The following ATXN1 variants were observed in gnomAD, a reference collection of about 807,000 sequenced individuals.
ATXN1 encodes ataxin-1.
ATXN1 carries 8 observed loss-of-function variants against 56.4 expected under a neutral mutation model. That is an observed-to-expected ratio of 0.14 (90% confidence interval 0.08 to 0.26). The LOEUF (loss-of-function observed/expected upper bound fraction) is 0.26, where lower values mean the gene tolerates loss of function less well. Ranked by LOEUF, ATXN1 falls within the 10% of genes least tolerant of loss-of-function variation. ATXN1 has a pLI of 1.00. For missense variants in ATXN1, 987 were observed against 1,106.5 expected, an observed-to-expected ratio of 0.89 and a Z score of 1.53; for synonymous variants, 514 against 494.6, an observed-to-expected ratio of 1.04 and a Z score of -0.52.
chr6:16,472,802 C>T (rs553387704), intron 6 of ATXN1, among the ~76,000 whole-genome samples: 7 of 152,280 alleles, frequency 4.6e-5, no homozygotes, highest in African/African-American at 1.2e-4. Context: ...AGACATGGCA[C>T]GCAGAGGGTC....
chr6:16,525,393 C>G (rs1334147226), intron 4 of ATXN1, among the ~76,000 whole-genome samples: 1 of 152,100 alleles, frequency 6.6e-6, no homozygotes, highest in Non-Finnish European at 1.5e-5. Context: ...AACGAGAGAT[C>G]ATTATGTTAA....
intron 3 of ATXN1, among the ~76,000 whole-genome samples, chr6:16,618,590 G>A (rs1763262207): frequency 6.6e-6 from 1 of 152,110 alleles, no homozygotes; most frequent in African/African-American, 2.4e-5. Flanking sequence ...AAATTAGCTG[G>A]ACGTGGTGGT....
At chr6:16,417,750 T>C (rs1054050335) in intron 6 of ATXN1, among the ~76,000 whole-genome samples, 1 of 152,142 alleles carries the variant, frequency 6.6e-6, no homozygotes, top group African/African-American at 2.4e-5. Flanking sequence ...AACTTTTTTT[T>C]TAATGGCCTA....
chr6:16,498,697 C>A (rs1760823154), intron 5 of ATXN1, among the ~76,000 whole-genome samples: 2 of 152,126 alleles, frequency 1.3e-5, no homozygotes, highest in African/African-American at 4.8e-5. Flanking sequence ...TAATGGGTGA[C>A]CATAATAAAG....
At position 16,326,397 on chromosome 6, in the gene ATXN1, G is replaced by C; in HGVS notation, c.1914C>G (p.Ala638=). Residue 638 remains alanine, a synonymous_variant, in exon 7 of 8, where the codon GCC becomes GCG. Transcript: ENST00000436367. The surrounding 1 kb of genome is among the most constrained non-coding windows in gnomAD (Gnocchi z 6.6). ...GTGCCACCCTGGCTAACGTTACCTG[G>C]GCTCGGTGCTCCCCGACGGCGAACT... ...VIQFAVGEHR[A]QVSVEVLVEY... is the part of the protein sequence containing the mutation. The C allele has an allele frequency of 6.2e-7, 1 of 1,613,008 alleles. No individual in the cohort carries two copies. Among genetic ancestry groups the C allele is most frequent in the African/African-American group, 1.3e-5 (1 of 75,006 alleles).
chr6:16,731,446 TTTC>T (rs1759976060), intron 2 of ATXN1, among the ~76,000 whole-genome samples: 1 of 134,636 alleles, frequency 7.4e-6, no homozygotes, highest in African/African-American at 3.0e-5. Flanking sequence ...AGGCTTTTTT[TTTC>T]TTTTCTTTTT....
rs72825585 is a variant in ATXN1 at position 16,661,373 on chromosome 6, C to T, written c.-614-3472G>A. Among the ~76,000 whole-genome samples, 16 of 151,762 alleles carry T rather than the reference C, an allele frequency of 1.1e-4. 1 individual carries two copies. Among genetic ancestry groups the T allele is most frequent in the African/African-American group, 2.7e-4 (11 of 41,314 alleles). On this transcript the variant is annotated intron_variant, in intron 2 of 7. Transcript: ENST00000436367. Reference sequence around the variant, plus strand: ...GCCTTGTAGGCCATTGTAAAGATACCGACTTTTAAGTAAAATGGGAAGACC... The same window carrying T: ...GCCTTGTAGGCCATTGTAAAGATACTGACTTTTAAGTAAAATGGGAAGACC...
Position 16,468,334 on chromosome 6 carries a change from T to C in ATXN1, c.-161+17638A>G, listed in dbSNP as rs528760435. On this transcript the variant is annotated intron_variant, in intron 6 of 7. Coordinates refer to ENST00000436367, the MANE Select transcript of ATXN1 (RefSeq NM_001128164.2). Reference sequence around the variant, plus strand: ...CTGAGTAGCTGGGACTACAGGCGCATGCCACCACGCGTGGCTAATTTGGTT... The same window carrying C: ...CTGAGTAGCTGGGACTACAGGCGCACGCCACCACGCGTGGCTAATTTGGTT... Among the ~76,000 whole-genome samples the C allele has an allele frequency of 8.5e-5, 13 of 152,264 alleles. No individual in the cohort carries two copies. In the East Asian group the frequency reaches 1.7e-3, roughly 20 times the overall value.
chr6:16,751,239 G>T (rs1014243585), intron 2 of ATXN1, among the ~76,000 whole-genome samples: 5 of 152,080 alleles, frequency 3.3e-5, no homozygotes, highest in African/African-American at 1.2e-4. Context: ...AAAGTGCTGG[G>T]ATTAAAGGCA....
At chr6:16,615,078 T>C (rs568066813) in intron 3 of ATXN1, 5 of 150,054 alleles carry the variant, frequency 3.3e-5, no homozygotes, top group African/African-American at 1.2e-4. Context: ...GCTTTCATAA[T>C]ATAACAACCA....
intron 6 of ATXN1, among the ~76,000 whole-genome samples, chr6:16,392,153 A>G (rs1036986712): frequency 1.7e-4 from 26 of 152,142 alleles, no homozygotes; most frequent in African/African-American, 6.3e-4. Context: ...GGCACTAGCC[A>G]GTGATCACTC....
At chr6:16,761,226 A>G in intron 1 of ATXN1, 72 bp downstream of exon 1, 1 of 395,854 alleles carries the variant, frequency 2.5e-6, no homozygotes, top group Non-Finnish European at 5.1e-6. Context: ...AGGGATTTTA[A>G]TCTAAATAAG....
chr6:16,676,657 C>A (rs1758667119), intron 2 of ATXN1, among the ~76,000 whole-genome samples: 1 of 152,172 alleles, frequency 6.6e-6, no homozygotes, highest in Admixed American at 6.5e-5. Flanking sequence ...ATGGATTCTT[C>A]TTCCTATAAA....
chr6:16,670,689 C>A (rs1181726568), intron 2 of ATXN1, among the ~76,000 whole-genome samples: 1 of 152,190 alleles, frequency 6.6e-6, no homozygotes, highest in African/African-American at 2.4e-5. Flanking sequence ...CGCATTGATG[C>A]ATTTCATTAC....
intron 2 of ATXN1, among the ~76,000 whole-genome samples, chr6:16,700,925 C>T (rs1249554225): frequency 6.6e-6 from 1 of 151,850 alleles, no homozygotes; most frequent in Non-Finnish European, 1.5e-5. Context: ...CACCTTTAAA[C>T]TTTGGTTTTA....
intron 6 of ATXN1, among the ~76,000 whole-genome samples, chr6:16,384,750 T>C (rs1937085214): frequency 6.6e-6 from 1 of 152,244 alleles, no homozygotes; most frequent in Non-Finnish European, 1.5e-5. Context: ...TAGGACGTGC[T>C]GGCTTCCCCT....
intron 4 of ATXN1, among the ~76,000 whole-genome samples, chr6:16,569,282 G>A (rs1402898357): frequency 6.6e-6 from 1 of 152,126 alleles, no homozygotes; most frequent in Non-Finnish European, 1.5e-5. Flanking sequence ...ACTTTGGGAG[G>A]CCAAGGTGGG....
At chr6:16,689,310 A>G (rs201992710) in intron 2 of ATXN1, among the ~76,000 whole-genome samples, 1 of 151,782 alleles carries the variant, frequency 6.6e-6, no homozygotes, top group East Asian at 1.9e-4. Context: ...TATTTTTTAT[A>G]TTGTTGTAAG....
intron 4 of ATXN1, among the ~76,000 whole-genome samples, chr6:16,537,240 T>C (rs1047232143): frequency 6.6e-6 from 1 of 152,098 alleles, no homozygotes; most frequent in African/African-American, 2.4e-5. Flanking sequence ...ATAACAAATG[T>C]TAAACCTGTC....
Sources: allele counts gnomAD v4.1 joint callset (sites outside exome capture counted in the v4.1 genomes callset), GRCh38; gene constraint gnomAD v4.1.1; non-coding constraint Gnocchi (gnomAD v3.1); transcripts MANE v1.5; gene names NCBI Gene and HGNC (gene_info 2026-07-23, HGNC 2026-07-21).